The following FRMPD4 variants were observed in gnomAD, a reference collection of about 807,000 sequenced individuals.
FRMPD4 encodes the protein FERM and PDZ domain-containing protein 4.
Under a neutral mutation model 94.1 loss-of-function variants are expected in FRMPD4, and 22 were observed. The ratio of observed to expected loss-of-function variants is 0.23; its 90% CI spans 0.17 to 0.33. The LOEUF is 0.33. Among genes scored for constraint, FRMPD4 ranks in the 10% least tolerant of loss-of-function variants. FRMPD4 has a pLI of 1.00. For synonymous variants in FRMPD4, 631 were observed against 548.6 expected (o/e 1.15, Z -2.10); for missense variants, 1,111 against 1,339.9 (o/e 0.83, Z 2.67).
chrX:11,988,134 A>G (rs2147394458), intron 3 of FRMPD4, among the ~76,000 whole-genome samples: 1 of 112,010 alleles, frequency 8.9e-6, no homozygotes, highest in Non-Finnish European at 1.9e-5. Context: ...AGCCAAAGCT[A>G]TGCTGAGCAA....
chrX:12,494,278 A>C (rs994553727), intron 1 of FRMPD4, among the ~76,000 whole-genome samples: 1 of 111,665 alleles, frequency 9.0e-6, no homozygotes, highest in Non-Finnish European at 1.9e-5. Context: ...TGTGTGTTGT[A>C]GGATGTTTAG....
intron 3 of FRMPD4, among the ~76,000 whole-genome samples, chrX:12,095,899 C>G (rs369454689): frequency 3.6e-5 from 4 of 112,355 alleles, no homozygotes; most frequent in Admixed American, 9.4e-5. Flanking sequence ...TTCCAGACCC[C>G]TCTCCATCCT....
intron 3 of FRMPD4, among the ~76,000 whole-genome samples, chrX:12,100,915 G>A (rs2055250183): frequency 8.9e-6 from 1 of 112,289 alleles, no homozygotes; most frequent in Non-Finnish European, 1.9e-5. Context: ...AAACTCTGTG[G>A]TCCCTAAAGA....
chrX:12,042,881 A>G (rs1396786930), intron 3 of FRMPD4, among the ~76,000 whole-genome samples: 1 of 111,965 alleles, frequency 8.9e-6, no homozygotes, highest in Admixed American at 9.5e-5. Flanking sequence ...TTTGCTGAGC[A>G]TGAGTTTTCT....
intron 9 of FRMPD4, among the ~76,000 whole-genome samples, chrX:12,698,098 A>T (rs1044497401): frequency 8.9e-6 from 1 of 112,253 alleles, no homozygotes; most frequent in Non-Finnish European, 1.9e-5. Flanking sequence ...AGAGAACAAA[A>T]GAGTAAGCAG....
intron 1 of FRMPD4, among the ~76,000 whole-genome samples, chrX:12,160,068 GGTGTGTGT>G (rs757966489): frequency 3.0e-5 from 3 of 100,050 alleles, no homozygotes; most frequent in African/African-American, 7.5e-5. Flanking sequence ...GATGTTGAGG[GGTGTGTGT>G]GTGTGTGTGT....
intron 1 of FRMPD4, among the ~76,000 whole-genome samples, chrX:12,400,645 T>C (rs1438496823): frequency 8.9e-6 from 1 of 112,501 alleles, no homozygotes; most frequent in Admixed American, 9.4e-5. Flanking sequence ...CTTTAATTTA[T>C]ATGACATTTA....
intron 1 of FRMPD4, among the ~76,000 whole-genome samples, chrX:11,862,960 G>GTTTTT (rs772255596): frequency 4.2e-5 from 2 of 47,654 alleles, no homozygotes; most frequent in Non-Finnish European, 7.7e-5. Context: ...AGGGAACTTG[G>GTTTTT]TTTTTTTTTT....
chrX:12,706,616 A>G (rs1327074918), intron 11 of FRMPD4, among the ~76,000 whole-genome samples: 2 of 111,910 alleles, frequency 1.8e-5, no homozygotes, highest in African/African-American at 6.5e-5. Context: ...CCCCTAATAA[A>G]TAAGATTTGA....
At position 12,153,427 on chromosome X, in the gene FRMPD4, G is replaced by A. The variant is rs148060149; in HGVS notation, c.41+14415G>A. Among the ~76,000 whole-genome samples, 26 of 111,616 alleles carry A rather than the reference G, an allele frequency of 2.3e-4. No homozygotes were observed. The East Asian group carries it at 6.2e-3, about 27-fold the overall frequency. On this transcript the variant is annotated intron_variant, in intron 1 of 16. Transcript: ENST00000675598. ...CCATTAGTTCATAATTTGGCTTTCC[G>A]GTTGAGGTCATGTTGACAGGCTGAA...
intron 2 of FRMPD4, among the ~76,000 whole-genome samples, chrX:12,608,094 C>T (rs1034096294): frequency 4.4e-5 from 5 of 112,467 alleles, no homozygotes; most frequent in Non-Finnish European, 9.4e-5. Flanking sequence ...GAATTAAACC[C>T]GTGTCATTGA....
intron 1 of FRMPD4, among the ~76,000 whole-genome samples, chrX:12,477,558 T>A (rs2057619332): frequency 8.9e-6 from 1 of 112,631 alleles, no homozygotes. Flanking sequence ...TCTTTTCAGC[T>A]GGGTTGTTTC....
rs755415104 is a variant in FRMPD4, at chrX:11,845,217, C to T, written c.-160-19869C>T. 5.4e-5 allele frequency among the ~76,000 whole-genome samples: 6 copies of T among 111,939 alleles called. No homozygotes were observed. In the South Asian group the frequency reaches 2.2e-3, roughly 42 times the overall value. The stretch of plus-strand genomic sequence containing the variant: ...AGTTTCTATTGACTATTTTTCCCCT[C>T]ATTATAGGTCCCTCTTTCATTCTTT... On this transcript the variant is annotated intron_variant, in intron 1 of 18. Transcript: ENST00000640291.
chrX:12,456,217 G>A (rs1199389093), intron 1 of FRMPD4, among the ~76,000 whole-genome samples: 1 of 111,990 alleles, frequency 8.9e-6, no homozygotes, highest in Non-Finnish European at 1.9e-5. Context: ...ATTACTGGCT[G>A]ATGTGACTAC....
intron 3 of FRMPD4, among the ~76,000 whole-genome samples, chrX:12,097,745 T>C (rs1017222584): frequency 6.2e-5 from 7 of 112,760 alleles, no homozygotes; most frequent in Non-Finnish European, 5.6e-5. Context: ...TGTAGCATGT[T>C]TCAGTATTTT....
At chrX:12,604,688 G>C (rs1226893690) in intron 2 of FRMPD4, among the ~76,000 whole-genome samples, 1 of 112,032 alleles carries the variant, frequency 8.9e-6, no homozygotes, top group East Asian at 2.8e-4. Context: ...TTAAGTTCAA[G>C]GGTACATGTG....
At chrX:11,827,147 A>C (rs2053449045) in intron 1 of FRMPD4, among the ~76,000 whole-genome samples, 1 of 101,875 alleles carries the variant, frequency 9.8e-6, no homozygotes, top group Non-Finnish European at 2.0e-5. Context: ...AATATATGTA[A>C]ATTATATATA....
rs11431796 is a variant in FRMPD4 at position 11,967,756 on chromosome X, G to GTT, written c.95+89759_95+89760dup. 8.9e-3 allele frequency among the ~76,000 whole-genome samples: 585 copies of GTT among 65,509 alleles called. 11 individuals carry two copies. Among genetic ancestry groups the GTT allele is most frequent in the East Asian group, 0.04 (57 of 1,443 alleles). 56.9% of individuals were successfully genotyped at this position (65,509 alleles called of 115,157 possible). On this transcript the variant is annotated intron_variant, in intron 3 of 18. Transcript: ENST00000640291. ...CAGATGTGTGTGTGTGTGTGTGTGT[G>GTT]TTTTTTTTTTTTTTTTTTTTTTAAG...
intron 3 of FRMPD4, among the ~76,000 whole-genome samples, chrX:11,988,625 T>A (rs1254384222): frequency 9.0e-6 from 1 of 110,645 alleles, no homozygotes; most frequent in Non-Finnish European, 1.9e-5. Context: ...TTAAAAAAAC[T>A]TTAGCACAGC....
Sources: allele counts gnomAD v4.1 joint callset (sites outside exome capture counted in the v4.1 genomes callset), GRCh38; gene constraint gnomAD v4.1.1; transcripts MANE v1.5; gene names NCBI Gene and HGNC (gene_info 2026-07-23, HGNC 2026-07-21).